Variants in ARHGEF4 observed in about 807,000 individuals in gnomAD.
The protein encoded by ARHGEF4 is Rho guanine nucleotide exchange factor 4, also known as APC-stimulated guanine nucleotide exchange factor 1.
Under a neutral mutation model 162.0 loss-of-function variants are expected in ARHGEF4, and 119 were observed. The observed-to-expected ratio is 0.73, with a 90% confidence interval of 0.63 to 0.86. ARHGEF4 has a LOEUF of 0.86. Among genes scored for constraint, ARHGEF4 ranks in the 40% least tolerant of loss-of-function variants. The pLI is 0.00. For synonymous variants in ARHGEF4, 1,014 were observed against 979.9 expected (o/e 1.03, Z -0.65); for missense variants, 2,488 against 2,456.0 (o/e 1.01, Z -0.28).
rs1004449168 is a variant in ARHGEF4, at chr2:130,914,049, T to TC, written c.107dup (p.Ala37CysfsTer16). On this transcript the variant is annotated frameshift_variant, in exon 2 of 14. Coordinates refer to ENST00000409359, the MANE Select transcript of ARHGEF4 (RefSeq NM_001367493.1). LOFTEE classifies it high-confidence loss of function. ...GATTGAAGATAACCAGCTCCCCACA[T>TC]CCCCTGCAGAACAAGTGGAGCAGGG... 6.5e-7 allele frequency: 1 copy of TC among 1,535,970 alleles called. No individual in the cohort carries two copies. The highest frequency in any genetic ancestry group is 8.7e-7 in the Non-Finnish European group (1 of 1,146,886).
Position 130,931,038 on chromosome 2 carries a change from G to A in ARHGEF4, c.3639G>A (p.Lys1213=). Reference sequence around the variant, plus strand: ...CGTTCCACATGGAGCCTGCCCAGAAGCCCTGCTTCACCACTGACATGGTGA... The same window carrying A: ...CGTTCCACATGGAGCCTGCCCAGAAACCCTGCTTCACCACTGACATGGTGA... The part of the protein sequence containing the change: ...QKAFHMEPAQ[K]PCFTTDMVTW... Residue 1213 remains lysine, a synonymous_variant, in exon 3 of 14, where the codon AAG becomes AAA. Transcript: ENST00000409359. The A allele has an allele frequency of 6.2e-7, 1 of 1,614,176 alleles. No individual in the cohort carries two copies. The highest frequency in any genetic ancestry group is 8.5e-7 in the Non-Finnish European group (1 of 1,180,016).
At chr2:131,025,489 G>T (rs1420298426) in intron 4 of ARHGEF4, among the ~76,000 whole-genome samples, 2 of 152,154 alleles carry the variant, frequency 1.3e-5, no homozygotes, top group South Asian at 2.1e-4. Flanking sequence ...AGGCCTTTGG[G>T]CTCCACTTTT....
chr2:130,937,617 ATTTCT>A (rs1333333070), intron 3 of ARHGEF4, among the ~76,000 whole-genome samples: 2 of 147,886 alleles, frequency 1.4e-5, no homozygotes, highest in African/African-American at 5.0e-5. Context: ...GTTCTTGTTC[ATTTCT>A]TTTCTTTCCC....
At chr2:130,969,629 G>T (rs13402505) in intron 4 of ARHGEF4, among the ~76,000 whole-genome samples, 1 of 152,042 alleles carries the variant, frequency 6.6e-6, no homozygotes, top group East Asian at 1.9e-4. Flanking sequence ...TCAAACTATC[G>T]TTATGTCAGA....
chr2:131,029,233 C>G (rs905521164), intron 5 of ARHGEF4, among the ~76,000 whole-genome samples: 15 of 152,010 alleles, frequency 9.9e-5, no homozygotes, highest in African/African-American at 3.4e-4. Context: ...GTGGCGGGCA[C>G]CTGTAATCCC....
chr2:130,865,265 C>T (rs1267911357), intron 1 of ARHGEF4, among the ~76,000 whole-genome samples: 6 of 152,226 alleles, frequency 3.9e-5, no homozygotes, highest in Admixed American at 3.9e-4. Context: ...ATGGCAGCAT[C>T]GTGTCCGGTA....
Position 131,041,209 on chromosome 2 carries a change from AC to A in ARHGEF4, c.4663-19del, listed in dbSNP as rs1199091680. On this transcript the variant is annotated intron_variant, in intron 8 of 13. Coordinates refer to ENST00000409359, the MANE Select transcript of ARHGEF4 (RefSeq NM_001367493.1). ...GTGGGAGCAGCAGAGAGCTCTGCTAACCTCCAGCTGTGCCCCTTAGCAAGCC... is the reference window on the plus strand; with the variant it reads ...GTGGGAGCAGCAGAGAGCTCTGCTAACTCCAGCTGTGCCCCTTAGCAAGCC... 6.2e-6 allele frequency: 10 copies of A among 1,604,028 alleles called. No individual in the cohort carries two copies. The East Asian group carries it at 1.8e-4, about 29-fold the overall frequency.
At chr2:130,954,417 G>T (rs1253372790) in intron 4 of ARHGEF4, among the ~76,000 whole-genome samples, 2 of 152,186 alleles carry the variant, frequency 1.3e-5, no homozygotes, top group Non-Finnish European at 2.9e-5. Flanking sequence ...GTGGCAGGGG[G>T]AGGGATAGCA....
In ARHGEF4 at chr2:131,044,365, G is replaced by A; in HGVS notation, c.5224G>A (p.Asp1742Asn). The A allele has an allele frequency of 1.2e-6, 2 of 1,602,466 alleles. No individual in the cohort carries two copies. The highest frequency in any genetic ancestry group is 1.7e-6 in the Non-Finnish European group (2 of 1,174,808). The part of the protein sequence containing the change: ...RLDMDGLEVV[D>N]LEDGKDRDLH... ...GGACATGGACGGCCTGGAGGTGGTG[G>A]ACCTGGAGGACGGGAAGGACAGAGA... Residue 1742 changes from aspartate to asparagine, a missense_variant, in exon 12 of 14, where the codon GAC becomes AAC. Asp to Asn is a conservative substitution (Grantham distance 23, BLOSUM62 1). Around this residue, in one of 6 missense-constraint regions of ARHGEF4, gnomAD observed 415 missense variants for 512.4 expected, o/e 0.81. Transcript: ENST00000409359.
chr2:131,024,654 G>T (rs1689356645), intron 4 of ARHGEF4, among the ~76,000 whole-genome samples: 1 of 152,224 alleles, frequency 6.6e-6, no homozygotes, highest in Non-Finnish European at 1.5e-5. Context: ...TGTTTTAGAT[G>T]TGTATCGTGG....
intron 5 of ARHGEF4, chr2:131,035,274 G>A (rs1326397010): frequency 2.0e-5 from 24 of 1,217,378 alleles, no homozygotes; most frequent in Non-Finnish European, 2.2e-5. Flanking sequence ...CGGCCGCGCA[G>A]GGCGCCGCGC....
At chr2:130,892,851 C>T (rs908856698) in intron 1 of ARHGEF4, among the ~76,000 whole-genome samples, 2 of 152,200 alleles carry the variant, frequency 1.3e-5, no homozygotes, top group African/African-American at 4.8e-5. Flanking sequence ...CTTGGGGCAC[C>T]CCTCCAGCAG....
At chr2:130,956,109 G>A (rs576243236) in intron 4 of ARHGEF4, among the ~76,000 whole-genome samples, 1 of 152,200 alleles carries the variant, frequency 6.6e-6, no homozygotes, top group East Asian at 1.9e-4. Context: ...CTTAGAAGCA[G>A]GGGTAGTTTC....
chr2:130,915,572 C>T lies in ARHGEF4; in HGVS notation c.1626C>T (p.Gly542=). 6.4e-7 allele frequency: 1 copy of T among 1,550,560 alleles called. No homozygotes were observed. The highest frequency in any genetic ancestry group is 8.7e-7 in the Non-Finnish European group (1 of 1,146,988). The change falls in exon 2 of 14, where the codon GGC becomes GGT. Residue 542 remains glycine, a synonymous_variant. Transcript: ENST00000409359. ...GTQVWSGDLM[G]CLEVSDSSDA... is the part of the protein sequence containing the mutation. ...AGGTGTGGAGTGGAGACTTGATGGG[C>T]TGCTTGGAAGTGAGTGACAGTTCAG...
intron 1 of ARHGEF4, among the ~76,000 whole-genome samples, chr2:130,873,544 G>A (rs1221595116): frequency 6.7e-6 from 1 of 148,904 alleles, no homozygotes; most frequent in Non-Finnish European, 1.5e-5. Flanking sequence ...CCGAGACTGC[G>A]CCATTGCACT....
At chr2:130,953,949 T>C (rs1684113440) in intron 4 of ARHGEF4, among the ~76,000 whole-genome samples, 1 of 152,244 alleles carries the variant, frequency 6.6e-6, no homozygotes, top group Non-Finnish European at 1.5e-5. Context: ...TCTTACACTG[T>C]TGGTGGGAGT....
At chr2:130,903,117 T>TCA (rs1157471898) in intron 1 of ARHGEF4, among the ~76,000 whole-genome samples, 1 of 98,624 alleles carries the variant, frequency 1.0e-5, no homozygotes, top group Non-Finnish European at 2.5e-5. Context: ...TATCTTCTGC[T>TCA]TATTTTTTTT....
chr2:130,839,305 A>G (rs1048526371), intron 1 of ARHGEF4, among the ~76,000 whole-genome samples: 1 of 152,110 alleles, frequency 6.6e-6, no homozygotes, highest in African/African-American at 2.4e-5. Context: ...GTCCCCAGGG[A>G]TTGGTCCTAT....
intron 1 of ARHGEF4, among the ~76,000 whole-genome samples, chr2:130,845,714 C>G (rs1263335329): frequency 6.6e-6 from 1 of 152,152 alleles, no homozygotes; most frequent in Non-Finnish European, 1.5e-5. Context: ...TGTGTGAGGA[C>G]TCAAGCTTGT....
Sources: gnomAD v4.1 joint callset for allele counts (sites outside exome capture counted in the v4.1 genomes callset) on GRCh38, gnomAD v4.1.1 for gene constraint, gnomAD v4.1.1 regional missense constraint, MANE v1.5 for transcripts, NCBI Gene and HGNC (gene_info 2026-07-23, HGNC 2026-07-21) for gene names.